SCNN1B: variants seen among roughly 807,000 people sequenced by gnomAD.
SCNN1B encodes the protein epithelial sodium channel subunit beta.
A neutral mutation model predicts 65.3 loss-of-function variants in SCNN1B; 46 were observed. The observed-to-expected ratio is 0.70, with a 90% CI of 0.56 to 0.90. The LOEUF is 0.90. Ranked by LOEUF, SCNN1B falls within the 40% of genes least tolerant of loss-of-function variation. The pLI is 0.00. For missense variants in SCNN1B, 751 were observed against 830.5 expected, an observed-to-expected ratio of 0.90 and a Z score of 1.18; for synonymous variants, 349 against 330.6, an observed-to-expected ratio of 1.06 and a Z score of -0.60.
At position 23,377,340 on chromosome 16, in the gene SCNN1B, A is replaced by G; in HGVS notation, c.1358A>G (p.Tyr453Cys). ...MCKESCNDTQ[Y>C]KMTISMADWP... ...GCCTTCTCTTTCAGTGACACCCAGT[A>G]CAAGATGACCATCTCCATGGCTGAC... The change falls in exon 10 of 13, where the codon TAC (tyrosine) becomes TGC (cysteine). Residue 453 changes from tyrosine to cysteine, a missense_variant. Tyr to Cys is a radical substitution (Grantham distance 194). Transcript: ENST00000343070. 1.9e-6 allele frequency: 3 copies of G among 1,614,228 alleles called. No homozygotes were observed. The highest frequency in any genetic ancestry group is 2.5e-6 in the Non-Finnish European group (3 of 1,180,034).
At chr16:23,282,792 G>C (rs923750922) in intron 1 of SCNN1B, among the ~76,000 whole-genome samples, 4 of 152,152 alleles carry the variant, frequency 2.6e-5, no homozygotes, top group African/African-American at 9.7e-5. Flanking sequence ...TGCATAAACT[G>C]CCTCTTGATT....
At chr16:23,377,430 G>C in intron 10 of SCNN1B, 44 bp downstream of exon 10, 1 of 1,600,584 alleles carries the variant, frequency 6.2e-7, no homozygotes, top group South Asian at 1.1e-5. Context: ...ACCTTTGGCT[G>C]GGGACAAGTC....
chr16:23,358,598 T>C (rs544988514), intron 4 of SCNN1B: 6 of 152,368 alleles, frequency 3.9e-5, no homozygotes, highest in African/African-American at 1.4e-4. Flanking sequence ...CTATTACTTT[T>C]ATAATAGTTT....
chr16:23,322,215 A>G (rs946430312), intron 1 of SCNN1B, among the ~76,000 whole-genome samples: 2 of 152,202 alleles, frequency 1.3e-5, no homozygotes, highest in African/African-American at 4.8e-5. Flanking sequence ...AAGTGCCTAC[A>G]GTGCCAGCCA....
rs1961190996 is a variant in SCNN1B, at chr16:23,305,563, TATATATATATATATTATATA to T, written c.-9+3127_-9+3146del. ...ATATATATATATATATATATATATATATATATATATATATTATATATATATATATATATATAACCTGGGTG... is the reference window on the plus strand; with the variant it reads ...ATATATATATATATATATATATATATTATATATATATATATAACCTGGGTG... On this transcript the variant is annotated intron_variant, in intron 1 of 12. Transcript: ENST00000343070. Among the ~76,000 whole-genome samples the T allele has an allele frequency of 5.6e-5, 3 of 53,254 alleles. 1 individual carries two copies. The highest frequency in any genetic ancestry group is 3.2e-4 in the African/African-American group (3 of 9,328). The allele number at this position is 53,254 out of a possible 152,430, so 34.9% of individuals were successfully genotyped here. A position where few individuals can be genotyped will look rare whatever the true frequency, so the allele number is the denominator to read the frequency against.
chr16:23,374,209 A>T (rs1168200906), intron 7 of SCNN1B, among the ~76,000 whole-genome samples: 1 of 140,078 alleles, frequency 7.1e-6, no homozygotes. Flanking sequence ...GAGGATGCAG[A>T]GAGTTATGAG....
intron 1 of SCNN1B, among the ~76,000 whole-genome samples, chr16:23,343,183 G>GCA (rs1962087963): frequency 6.6e-6 from 1 of 152,072 alleles, no homozygotes; most frequent in Non-Finnish European, 1.5e-5. Flanking sequence ...GGCTGGGCAT[G>GCA]GTGGCTCATG....
intron 7 of SCNN1B, chr16:23,372,237 C>G: frequency 2.8e-6 from 1 of 360,960 alleles, no homozygotes; most frequent in Non-Finnish European, 5.3e-6. Context: ...CACATTCCAT[C>G]GTCATTTAAT....
chr16:23,358,913 G>T (rs968245708), intron 4 of SCNN1B, among the ~76,000 whole-genome samples: 1 of 152,150 alleles, frequency 6.6e-6, no homozygotes, highest in Admixed American at 6.5e-5. Flanking sequence ...TTAAAAAACA[G>T]CAACAAAAAC....
chr16:23,317,916 G>A (rs1382258742), intron 1 of SCNN1B, among the ~76,000 whole-genome samples: 2 of 152,168 alleles, frequency 1.3e-5, no homozygotes, highest in African/African-American at 4.8e-5. Context: ...AGTTGTATAG[G>A]GCACAGTCTG....
intron 1 of SCNN1B, among the ~76,000 whole-genome samples, chr16:23,333,077 AAAG>A (rs1224460746): frequency 4.7e-5 from 7 of 147,370 alleles, no homozygotes; most frequent in South Asian, 2.3e-4. Context: ...AAAAAATAAA[AAAG>A]AAGAAGAAGA....
chr16:23,360,591 G>GTTTTTTTTTT (rs35772167), intron 4 of SCNN1B, among the ~76,000 whole-genome samples: 1 of 95,262 alleles, frequency 1.0e-5, no homozygotes, highest in Admixed American at 1.3e-4. Flanking sequence ...GGTGGTGGTG[G>GTTTTTTTTTT]TTTTTTTTTT....
chr16:23,318,027 G>T (rs755861290), intron 1 of SCNN1B, among the ~76,000 whole-genome samples: 8 of 152,226 alleles, frequency 5.3e-5, no homozygotes, highest in Admixed American at 2.0e-4. Flanking sequence ...GGCAGAGAAA[G>T]GTTGAGTGTA....
At chr16:23,334,594 C>T (rs1567301199) in intron 1 of SCNN1B, among the ~76,000 whole-genome samples, 2 of 152,246 alleles carry the variant, frequency 1.3e-5, no homozygotes, top group Admixed American at 6.5e-5. Flanking sequence ...CCTGCAGCAG[C>T]TGTTCTTCCT....
chr16:23,371,640 G>A, intron 6 of SCNN1B, 136 bp from the exon 7 acceptor site: 2 of 998,766 alleles, frequency 2.0e-6, no homozygotes, highest in Non-Finnish European at 3.1e-6. Flanking sequence ...GAGCCCTCTG[G>A]CGCCCCCTCT....
chr16:23,313,319 C>T (rs546240749), intron 1 of SCNN1B, among the ~76,000 whole-genome samples: 1 of 152,280 alleles, frequency 6.6e-6, no homozygotes, highest in South Asian at 2.1e-4. Context: ...TAGGGCCCCA[C>T]AAATGGTGGC....
At chr16:23,374,301 C>T (rs1257182705) in intron 7 of SCNN1B, among the ~76,000 whole-genome samples, 1 of 134,604 alleles carries the variant, frequency 7.4e-6, no homozygotes, top group Non-Finnish European at 1.6e-5. Context: ...AGGCCGGGCG[C>T]GATGGCTCAC....
At position 23,352,887 on chromosome 16, in the gene SCNN1B, A is replaced by AGG. The variant is rs1962339180; in HGVS notation, c.398_399insGG (p.His133GlnfsTer9). 6.2e-7 allele frequency: 1 copy of AGG among 1,614,198 alleles called. No individual in the cohort carries two copies. Among genetic ancestry groups the AGG allele is most frequent in the East Asian group, 2.2e-5 (1 of 44,884 alleles). On this transcript the variant is annotated frameshift_variant, in exon 3 of 13. Transcript: ENST00000343070. LOFTEE classifies it high-confidence loss of function. The stretch of plus-strand genomic sequence containing the variant: ...AGAATCCTGGCTCCTGAGCTAAGCC[A>AGG]TGCCAATGCCACCAGGAACCTGAAC...
At chr16:23,354,778 G>A (rs964277562) in intron 3 of SCNN1B, among the ~76,000 whole-genome samples, 4 of 152,170 alleles carry the variant, frequency 2.6e-5, no homozygotes, top group East Asian at 1.9e-4. Context: ...TATGGGGTTC[G>A]GGGCTAGGAT....
Sources: allele counts gnomAD v4.1 joint callset (sites outside exome capture counted in the v4.1 genomes callset), GRCh38; gene constraint gnomAD v4.1.1; transcripts MANE v1.5; gene names NCBI Gene and HGNC (gene_info 2026-07-23, HGNC 2026-07-21).